The following NRK variants were observed in gnomAD, a reference collection of about 807,000 sequenced individuals.
The protein encoded by NRK is nik-related protein kinase.
In NRK, 67 loss-of-function variants were observed where a neutral mutation model predicts 125.2. The ratio of observed to expected loss-of-function variants is 0.54; its 90% CI spans 0.44 to 0.66. NRK has a LOEUF of 0.66. Ranked by LOEUF, NRK falls within the 30% of genes least tolerant of loss-of-function variation. The pLI is 0.00. For synonymous variants in NRK, 458 were observed against 429.0 expected, an observed-to-expected ratio of 1.07 and a Z score of -0.84; for missense variants, 1,224 against 1,192.9, an observed-to-expected ratio of 1.03 and a Z score of -0.38.
rs1450962402 is a variant in NRK, at chrX:105,906,419, G to A, written c.851G>A (p.Arg284His). ...CTCTTTGACTCATTTTTTAGGTCCC[G>A]TAAGTTCCACAATTTCATGGAAAAG... The part of the protein sequence containing the change: ...APTVKSSGWS[R>H]KFHNFMEKCT... The change falls in exon 11 of 29, where the codon CGT becomes CAT. Residue 284 changes from arginine to histidine, a missense_variant. Coordinates refer to ENST00000243300, the MANE Select transcript of NRK (RefSeq NM_198465.4). The A allele has an allele frequency of 5.2e-6, 6 of 1,146,413 alleles. No homozygotes were observed. Among genetic ancestry groups the A allele is most frequent in the East Asian group, 3.1e-5 (1 of 32,376 alleles). 94.5% of individuals were successfully genotyped at this position (1,146,413 alleles called of 1,213,427 possible).
At chrX:105,875,018 T>A (rs1602629598) in intron 2 of NRK, among the ~76,000 whole-genome samples, 1 of 111,667 alleles carries the variant, frequency 9.0e-6, no homozygotes, top group African/African-American at 3.2e-5. Flanking sequence ...TCAGGGAAGT[T>A]TTTTAGGACT....
rs771263147 is a variant in NRK at position 105,934,265 on chromosome X, G to T, written c.3320G>T (p.Gly1107Val). 8.6e-7 allele frequency: 1 copy of T among 1,167,426 alleles called. No individual in the cohort carries two copies. Among genetic ancestry groups the T allele is most frequent in the South Asian group, 2.0e-5 (1 of 49,570 alleles). ...TTTTTGGACTTCTTTTAGGAGCCAG[G>T]TGGTGGAAATGAGGCCTCAAATGCC... The part of the protein sequence containing the change: ...QDFEYLQEEP[G>V]GGNEASNAID... Residue 1107 changes from glycine (G) to valine (V), a missense_variant, in exon 20 of 29, where the codon GGT becomes GTT. Physicochemically the swap from Gly to Val is moderately radical, Grantham distance 109 (BLOSUM62 -3). Transcript: ENST00000243300.
In NRK at chrX:105,924,565, C is replaced by T; in HGVS notation, c.2976-130C>T. ...TGTTCTTTATCATACCAGTAGTGTT[C>T]ACATAGAACAAAGACAAGCCTGGGC... On this transcript the variant is annotated intron_variant, in intron 18 of 28. Coordinates refer to ENST00000243300, the MANE Select transcript of NRK (RefSeq NM_198465.4). 4 of 516,147 alleles carry T rather than the reference C, an allele frequency of 7.7e-6. No individual in the cohort carries two copies. The South Asian group carries it at 9.8e-5, about 13-fold the overall frequency. 42.5% of individuals were successfully genotyped at this position (516,147 alleles called of 1,213,427 possible). A position where few individuals can be genotyped will look rare whatever the true frequency, so the allele number is the denominator to read the frequency against.
intron 24 of NRK, among the ~76,000 whole-genome samples, chrX:105,945,626 G>A (rs1264691952): frequency 9.0e-6 from 1 of 111,236 alleles, no homozygotes; most frequent in Non-Finnish European, 1.9e-5. Context: ...GGAAAGCGAA[G>A]AAATAAGTAC....
chrX:105,923,106 T>C lies in NRK; in HGVS notation c.2611-12T>C. 5.1e-6 allele frequency: 6 copies of C among 1,187,948 alleles called. No homozygotes were observed. Among genetic ancestry groups the C allele is most frequent in the Non-Finnish European group, 6.8e-6 (6 of 880,887 alleles). ...CTACTAGAGGCTACATTAACCTTTC[T>C]TGTGCACACAGGTTCCAGATGGATT... On this transcript the variant is annotated splice_polypyrimidine_tract_variant and intron_variant, in intron 17 of 28. Coordinates refer to ENST00000243300, the MANE Select transcript of NRK (RefSeq NM_198465.4).
intron 5 of NRK, among the ~76,000 whole-genome samples, chrX:105,893,498 A>G (rs2040040492): frequency 2.7e-5 from 3 of 111,702 alleles, no homozygotes; most frequent in African/African-American, 9.8e-5. Context: ...TTCTAAAAGC[A>G]TGTGTTTATT....
intron 2 of NRK, among the ~76,000 whole-genome samples, chrX:105,868,022 A>G (rs776749709): frequency 2.2e-4 from 24 of 111,483 alleles, no homozygotes; most frequent in Non-Finnish European, 3.6e-4. Flanking sequence ...AGGTTTGTGT[A>G]ACTTTATTAT....
chrX:105,886,955 C>CTAAGTATAAGTA (rs2039955291), intron 4 of NRK, among the ~76,000 whole-genome samples: 1 of 110,656 alleles, frequency 9.0e-6, no homozygotes, highest in Non-Finnish European at 1.9e-5. Flanking sequence ...GATCAGACAC[C>CTAAGTATAAGTA]TAAGTATAAG....
At chrX:105,955,002 C>T (rs979664092) in intron 28 of NRK, among the ~76,000 whole-genome samples, 1 of 110,059 alleles carries the variant, frequency 9.1e-6, no homozygotes, top group African/African-American at 3.3e-5. Flanking sequence ...GTGATAAAAA[C>T]ATACAGTATT....
At chrX:105,919,821 A>C (rs990743829) in intron 16 of NRK, among the ~76,000 whole-genome samples, 6 of 111,166 alleles carry the variant, frequency 5.4e-5, no homozygotes, top group African/African-American at 2.0e-4. Context: ...AGGTTGCGAA[A>C]ATTTTCTCCC....
intron 2 of NRK, among the ~76,000 whole-genome samples, chrX:105,873,107 T>TG (rs1212790307): frequency 9.0e-6 from 1 of 111,621 alleles, no homozygotes; most frequent in Non-Finnish European, 1.9e-5. Flanking sequence ...AAGAATGCCC[T>TG]GGGGGATTAT....
rs146384958 is a variant in NRK at position 105,945,584 on chromosome X, G to A, written c.4060-288G>A. ...GATATGGGTTTATTCTTGGGTGTCT[G>A]CTGATTGGTCAGAGCTGCCTGGTAT... On this transcript the variant is annotated intron_variant, in intron 24 of 28. Coordinates refer to ENST00000243300, the MANE Select transcript of NRK (RefSeq NM_198465.4). 6.3e-3 allele frequency among the ~76,000 whole-genome samples: 702 copies of A among 111,537 alleles called. 6 individuals are homozygous for A. The highest frequency in any genetic ancestry group is 0.021 in the African/African-American group (647 of 30,676).
chrX:105,911,531 A>G (rs1456257427), intron 13 of NRK, among the ~76,000 whole-genome samples: 1 of 111,693 alleles, frequency 9.0e-6, no homozygotes, highest in Non-Finnish European at 1.9e-5. Flanking sequence ...CATTGAGCCA[A>G]TTAAACAAAT....
At chrX:105,860,885 C>T (rs2039593108) in intron 2 of NRK, among the ~76,000 whole-genome samples, 1 of 110,723 alleles carries the variant, frequency 9.0e-6, no homozygotes, top group African/African-American at 3.3e-5. Flanking sequence ...TTTTGATGGA[C>T]ATTTAGGTTG....
At chrX:105,826,289 A>G (rs1214207338) in intron 1 of NRK, among the ~76,000 whole-genome samples, 2 of 66,056 alleles carry the variant, frequency 3.0e-5, no homozygotes, top group Admixed American at 1.7e-4. Flanking sequence ...TGAAATATAT[A>G]TTATCATATA....
chrX:105,866,852 A>G (rs2039678500), intron 2 of NRK, among the ~76,000 whole-genome samples: 1 of 111,692 alleles, frequency 9.0e-6, no homozygotes, highest in Non-Finnish European at 1.9e-5. Flanking sequence ...TGAGCAAATT[A>G]ATATAATAGA....
intron 19 of NRK, among the ~76,000 whole-genome samples, chrX:105,926,624 A>G (rs1459205782): frequency 9.0e-6 from 1 of 111,390 alleles, no homozygotes; most frequent in African/African-American, 3.3e-5. Flanking sequence ...TTATGGTTTC[A>G]GATCTTACAT....
At chrX:105,871,795 G>A (rs1325034669) in intron 2 of NRK, among the ~76,000 whole-genome samples, 1 of 111,624 alleles carries the variant, frequency 9.0e-6, no homozygotes, top group Non-Finnish European at 1.9e-5. Context: ...ATTTACCCTC[G>A]TGATACATGT....
chrX:105,917,127 G>T (rs180807166), intron 15 of NRK, among the ~76,000 whole-genome samples: 1 of 110,624 alleles, frequency 9.0e-6, no homozygotes, highest in Non-Finnish European at 1.9e-5. Flanking sequence ...ATCTAAATCC[G>T]GAATGGGACG....
Sources: allele counts gnomAD v4.1 joint callset (sites outside exome capture counted in the v4.1 genomes callset), GRCh38; gene constraint gnomAD v4.1.1; transcripts MANE v1.5; gene names NCBI Gene and HGNC (gene_info 2026-07-23, HGNC 2026-07-21).